ACACB: variants seen among roughly 807,000 people sequenced by gnomAD.
The protein encoded by ACACB is acetyl-CoA carboxylase 2.
A neutral mutation model predicts 278.8 loss-of-function variants in ACACB; 209 were observed. The ratio of observed to expected loss-of-function variants is 0.75; its 90% confidence interval spans 0.67 to 0.84. ACACB has a LOEUF of 0.84. ACACB is among the 40% of genes least tolerant of loss of function. The probability of loss-of-function intolerance (pLI) is 0.00; values close to 1 mark genes in which losing one functional copy is unlikely to be tolerated. For missense variants in ACACB, 2,850 were observed against 3,269.0 expected, an observed-to-expected ratio of 0.87 and a Z score of 3.13; for synonymous variants, 1,174 against 1,285.6, an observed-to-expected ratio of 0.91 and a Z score of 1.86.
In ACACB at chr12:109,262,285, C is replaced by T. The variant is rs151139821; in HGVS notation, c.6675-72C>T. ...TTCTGGCTCTCTTCCCTCCAGCTCC[C>T]CCCACATCCATTAGCCCTTGCTTGC... On this transcript the variant is annotated intron_variant, in intron 48 of 52. Coordinates refer to ENST00000338432, the MANE Select transcript of ACACB (RefSeq NM_001093.4). The T allele has an allele frequency of 1.0e-4, 124 of 1,226,608 alleles. 1 individual carries two copies. The East Asian group carries it at 2.8e-3, about 28-fold the overall frequency. The allele number at this position is 1,226,608 out of a possible 1,614,324, so 76.0% of individuals were successfully genotyped here.
intron 11 of ACACB, among the ~76,000 whole-genome samples, chr12:109,182,445 G>A (rs1437840966): frequency 6.6e-6 from 1 of 152,170 alleles, no homozygotes; most frequent in African/African-American, 2.4e-5. Context: ...ATGGCTCACT[G>A]CAGTCTTGAC....
At position 109,266,394 on chromosome 12, in the gene ACACB, G is replaced by A. The variant is rs762055913; in HGVS notation, c.*32G>A. On this transcript the variant is annotated 3_prime_UTR_variant, in exon 53 of 53. Coordinates refer to ENST00000338432, the MANE Select transcript of ACACB (RefSeq NM_001093.4). ...CCCGCCCAGCCACTCCCGGGACCAC[G>A]GCAAAAGGAACCACCCAGACCCACC... 1.4e-5 allele frequency: 22 copies of A among 1,578,484 alleles called. No individual in the cohort carries two copies. The highest frequency in any genetic ancestry group is 5.2e-5 in the Admixed American group (3 of 57,214).
chr12:109,159,695 C>T (rs191402063), intron 2 of ACACB, among the ~76,000 whole-genome samples: 51 of 152,114 alleles, frequency 3.4e-4, no homozygotes, highest in African/African-American at 1.2e-3. Flanking sequence ...TGAGCAGCAT[C>T]CCTGGTCTCC....
intron 20 of ACACB, among the ~76,000 whole-genome samples, chr12:109,208,442 A>G (rs2045587189): frequency 6.6e-6 from 1 of 152,104 alleles, no homozygotes; most frequent in Non-Finnish European, 1.5e-5. Flanking sequence ...TTCTGGGCTC[A>G]AGTGATCCTC....
intron 43 of ACACB, 109 bp from the exon 44 acceptor site, chr12:109,254,104 GA>G: frequency 7.5e-7 from 1 of 1,332,378 alleles, no homozygotes; most frequent in African/African-American, 1.5e-5. Context: ...CTAGGGAGGG[GA>G]TATTGCTGCA....
At chr12:109,133,050 C>T (rs147235043) in intron 1 of ACACB, among the ~76,000 whole-genome samples, 45 of 152,210 alleles carry the variant, frequency 3.0e-4, no homozygotes, top group African/African-American at 8.2e-4. Flanking sequence ...TCCTTCTATC[C>T]GTAGTTAATC....
At position 109,250,003 on chromosome 12, in the gene ACACB, A is replaced by T; in HGVS notation, c.5689A>T (p.Ile1897Phe). 1.2e-6 allele frequency: 2 copies of T among 1,613,394 alleles called. No homozygotes were observed. The highest frequency in any genetic ancestry group is 8.5e-7 in the Non-Finnish European group (1 of 1,179,706). ...GESRYMITDI[I>F]GKDDGLGVEN... ...TTGAAGATACATGATCACGGATATC[A>T]TCGGGAAGGATGATGGCTTGGGCGT... The change falls in exon 41 of 53, where the codon ATC (isoleucine) becomes TTC (phenylalanine). Residue 1897 changes from isoleucine (I) to phenylalanine (F), a missense_variant. Coordinates refer to ENST00000338432, the MANE Select transcript of ACACB (RefSeq NM_001093.4).
chr12:109,264,469 G>GGTGGGGGGT, intron 50 of ACACB, 83 bp downstream of exon 50: 1 of 1,537,696 alleles, frequency 6.5e-7, no homozygotes, highest in Non-Finnish European at 8.9e-7. Context: ...TCGGGGGCGG[G>GGTGGGGGGT]GAGGGCGGTG....
At chr12:109,208,967 A>C (rs1421530627) in intron 20 of ACACB, among the ~76,000 whole-genome samples, 198 bp from the exon 21 acceptor site, 6 of 152,054 alleles carry the variant, frequency 3.9e-5, no homozygotes, top group African/African-American at 1.2e-4. Context: ...GGGTCTTCCT[A>C]TGTAGGGAAA....
At chr12:109,237,613 C>T (rs919559706) in intron 34 of ACACB, among the ~76,000 whole-genome samples, 2 of 152,100 alleles carry the variant, frequency 1.3e-5, no homozygotes, top group African/African-American at 2.4e-5. Context: ...TGGGTCTCTG[C>T]GCATGAGAAG....
chr12:109,199,885 C>T (rs903865131), intron 18 of ACACB, among the ~76,000 whole-genome samples: 1 of 151,862 alleles, frequency 6.6e-6, no homozygotes, highest in Non-Finnish European at 1.5e-5. Context: ...TGGTGGCAGG[C>T]GCCTGTAGTC....
At chr12:109,222,466 G>A (rs1479160584) in intron 24 of ACACB, 41 bp from the exon 25 acceptor site, 1 of 1,582,446 alleles carries the variant, frequency 6.3e-7, no homozygotes, top group African/African-American at 1.3e-5. Flanking sequence ...GTTTCCCTGG[G>A]CTGGAGAAAA....
intron 4 of ACACB, among the ~76,000 whole-genome samples, chr12:109,171,013 ATTTTT>A (rs59371391): frequency 2.1e-4 from 22 of 106,530 alleles, no homozygotes; most frequent in Non-Finnish European, 3.8e-4. Context: ...CTTTTTTTGG[ATTTTT>A]TTTTTTTTTT....
chr12:109,114,264 A>T (rs2042361482), upstream of ACACB, among the ~76,000 whole-genome samples: 1 of 152,138 alleles, frequency 6.6e-6, no homozygotes, highest in Non-Finnish European at 1.5e-5. Context: ...GGAGATCAAT[A>T]ATTTATGTTC....
chr12:109,187,188 A>G (rs2136255998), intron 12 of ACACB, among the ~76,000 whole-genome samples: 1 of 151,926 alleles, frequency 6.6e-6, no homozygotes, highest in Non-Finnish European at 1.5e-5. Flanking sequence ...AAGGAAGGAA[A>G]TACCAACGAA....
intron 24 of ACACB, among the ~76,000 whole-genome samples, chr12:109,220,536 T>G (rs547900107): frequency 1.2e-4 from 18 of 151,180 alleles, no homozygotes; most frequent in Non-Finnish European, 2.1e-4. Context: ...AAAAATGGTG[T>G]TGTTGTTGTT....
At chr12:109,233,328 T>C (rs944446421) in intron 29 of ACACB, among the ~76,000 whole-genome samples, 9 of 152,238 alleles carry the variant, frequency 5.9e-5, no homozygotes, top group Non-Finnish European at 1.2e-4. Flanking sequence ...TGTGTTCTGC[T>C]TTGTGCTTGG....
At position 109,199,031 on chromosome 12, in the gene ACACB, C is replaced by CA. The variant is rs372199730; in HGVS notation, c.2628-362dup. Among the ~76,000 whole-genome samples the CA allele has an allele frequency of 2.6e-3, 398 of 150,528 alleles. 2 individuals carry two copies. Among genetic ancestry groups the CA allele is most frequent in the African/African-American group, 8.7e-3 (356 of 41,114 alleles). ...TGAAACCCCATCTTTACTAAAAATA[C>CA]AAAAAAAAATTAGCTGGATGTGGTG... is the stretch of plus-strand genomic sequence containing the variant. On this transcript the variant is annotated intron_variant, in intron 17 of 52. Coordinates refer to ENST00000338432, the MANE Select transcript of ACACB (RefSeq NM_001093.4).
intron 6 of ACACB, 81 bp from the exon 7 acceptor site, chr12:109,174,051 C>G (rs533866348): frequency 2.5e-6 from 3 of 1,218,914 alleles, no homozygotes; most frequent in Non-Finnish European, 2.3e-6. Context: ...GGCCCCACCA[C>G]CGTGCACTCG....
Sources: allele counts gnomAD v4.1 joint callset (sites outside exome capture counted in the v4.1 genomes callset), GRCh38; gene constraint gnomAD v4.1.1; transcripts MANE v1.5; gene names NCBI Gene and HGNC (gene_info 2026-07-23, HGNC 2026-07-21).